Variants in CCDC7 observed in about 807,000 individuals in gnomAD.
CCDC7 encodes the protein coiled-coil domain containing 7.
Under a neutral mutation model 196.9 loss-of-function variants are expected in CCDC7, and 183 were observed. The observed-to-expected ratio is 0.93, with a 90% confidence interval of 0.82 to 1.05. The LOEUF (loss-of-function observed/expected upper bound fraction) is 1.05. Among genes scored for constraint, CCDC7 ranks in the 50% least tolerant of loss-of-function variants. The pLI is 0.00. For missense variants in CCDC7, 1,540 were observed against 1,482.2 expected, an observed-to-expected ratio of 1.04 and a Z score of -0.64; for synonymous variants, 525 against 484.6, an observed-to-expected ratio of 1.08 and a Z score of -1.10.
chr10:32,861,009 C>T (rs879354379), intron 41 of CCDC7, among the ~76,000 whole-genome samples: 1 of 151,170 alleles, frequency 6.6e-6, no homozygotes, highest in Non-Finnish European at 1.5e-5. Context: ...AGGTTCAATG[C>T]TGTCCCAATC....
intron 19 of CCDC7, 134 bp downstream of exon 20, chr10:32,634,498 G>A: frequency 3.0e-6 from 1 of 331,302 alleles, no homozygotes; most frequent in Non-Finnish European, 5.3e-6. Flanking sequence ...CCGGGTTGAA[G>A]CGATTCTCCT....
At chr10:32,836,686 G>A (rs1490988955) in intron 33 of CCDC7, among the ~76,000 whole-genome samples, 1 of 152,138 alleles carries the variant, frequency 6.6e-6, no homozygotes, top group African/African-American at 2.4e-5. Flanking sequence ...GTCTTCTTTT[G>A]AGAAGTGTCT....
intron 21 of CCDC7, among the ~76,000 whole-genome samples, chr10:32,684,488 C>T (rs2076240127): frequency 6.6e-6 from 1 of 152,170 alleles, no homozygotes; most frequent in African/African-American, 2.4e-5. Flanking sequence ...GGGAGCCTTC[C>T]CTGGCTCTGT....
chr10:32,845,703 A>G, intron 35 of CCDC7, 77 bp downstream of exon 36: 1 of 1,341,954 alleles, frequency 7.5e-7, no homozygotes, highest in East Asian at 2.3e-5. Flanking sequence ...TGGACATTTA[A>G]TGGCAATAGT....
chr10:32,792,358 T>C (rs79565735), intron 29 of CCDC7, among the ~76,000 whole-genome samples: 5,210 of 152,272 alleles, frequency 0.034, 103 homozygotes, highest in Non-Finnish European at 0.05. Flanking sequence ...AAAGTCAAAA[T>C]TGTCAGAAAT....
At chr10:32,818,002 G>A (rs950731709) in intron 31 of CCDC7, among the ~76,000 whole-genome samples, 2 of 152,156 alleles carry the variant, frequency 1.3e-5, no homozygotes, top group African/African-American at 4.8e-5. Flanking sequence ...AACCTTAAAT[G>A]TAAATAGGCT....
Position 32,752,289 on chromosome 10 carries a change from A to T in CCDC7, c.2905+22832A>T, listed in dbSNP as rs574187026. ...TAAATGCCTTCCTATGCACATTTAC[A>T]TGGGGGATGGATAACTTTATACACT... is the stretch of plus-strand genomic sequence containing the variant. On this transcript the variant is annotated intron_variant, in intron 28 of 41. Transcript: ENST00000639629. 4.6e-5 allele frequency among the ~76,000 whole-genome samples: 7 copies of T among 152,232 alleles called. No homozygotes were observed. The South Asian group carries it at 1.5e-3, about 32-fold the overall frequency.
intron 17 of CCDC7, among the ~76,000 whole-genome samples, 161 bp downstream of exon 18, chr10:32,583,468 A>C (rs1427212766): frequency 6.6e-6 from 1 of 152,142 alleles, no homozygotes; most frequent in Non-Finnish European, 1.5e-5. Context: ...TAGAATGCTG[A>C]AAGTAATATT....
intron 29 of CCDC7, among the ~76,000 whole-genome samples, chr10:32,782,025 A>C (rs1257337181): frequency 1.3e-5 from 2 of 152,250 alleles, no homozygotes; most frequent in Admixed American, 1.3e-4. Context: ...GTAGTGAGCT[A>C]TCTGAAAAGA....
At chr10:32,573,518 G>T (rs183306544) in intron 16 of CCDC7, among the ~76,000 whole-genome samples, 2 of 152,094 alleles carry the variant, frequency 1.3e-5, no homozygotes, top group East Asian at 3.9e-4. Flanking sequence ...TTAAAGAGGG[G>T]TTATGATAAT....
At chr10:32,559,657 C>CA (rs1487826180) in intron 13 of CCDC7, among the ~76,000 whole-genome samples, 2 of 152,098 alleles carry the variant, frequency 1.3e-5, no homozygotes, top group African/African-American at 4.8e-5. Context: ...ACATCCACAC[C>CA]AAAAACCCAT....
At chr10:32,826,779 T>A (rs2091186101) in intron 32 of CCDC7, among the ~76,000 whole-genome samples, 1 of 152,190 alleles carries the variant, frequency 6.6e-6, no homozygotes, top group African/African-American at 2.4e-5. Flanking sequence ...TTCTAGGACA[T>A]CCCTGAAACA....
intron 20 of CCDC7, among the ~76,000 whole-genome samples, chr10:32,657,735 G>A (rs1763791): frequency 0.34 from 52,184 of 152,110 alleles, 11,344 homozygotes; most frequent in Non-Finnish European, 0.49. Flanking sequence ...TTAGCTCCTC[G>A]TTACTTATGG....
intron 11 of CCDC7, among the ~76,000 whole-genome samples, chr10:32,530,666 T>G (rs1177529045): frequency 6.6e-6 from 1 of 152,206 alleles, no homozygotes; most frequent in Non-Finnish European, 1.5e-5. Context: ...GGGGGTTGAC[T>G]CTAGGTTTTT....
chr10:32,611,855 A>T (rs1251782452), intron 18 of CCDC7, among the ~76,000 whole-genome samples: 1 of 152,204 alleles, frequency 6.6e-6, no homozygotes, highest in Non-Finnish European at 1.5e-5. Flanking sequence ...AGGTAGCATG[A>T]TGCCTCTAGC....
chr10:32,662,483 A>T (rs1413977), intron 20 of CCDC7, among the ~76,000 whole-genome samples: 60,101 of 151,948 alleles, frequency 0.4, 12,122 homozygotes, highest in East Asian at 0.58. Flanking sequence ...GCTACAGGAG[A>T]CCTCACTATT....
downstream of CCDC7, among the ~76,000 whole-genome samples, chr10:32,882,135 A>G (rs779070862): frequency 5.3e-5 from 8 of 152,210 alleles, no homozygotes; most frequent in Non-Finnish European, 1.2e-4. Context: ...GACCATTGCA[A>G]TAGAAGAGGG....
chr10:32,816,403 T>C, intron 31 of CCDC7, among the ~76,000 whole-genome samples: 1 of 152,198 alleles, frequency 6.6e-6, no homozygotes, highest in South Asian at 2.1e-4. Context: ...AGACTCCACC[T>C]CTGGGGGCAG....
chr10:32,512,803 A>G (rs2046419811), intron 9 of CCDC7: 3 of 152,182 alleles, frequency 2.0e-5, no homozygotes, highest in Non-Finnish European at 4.4e-5. Flanking sequence ...GAGGTAACTA[A>G]GGGAAAGACA....
Sources: gnomAD v4.1 joint callset for allele counts (sites outside exome capture counted in the v4.1 genomes callset) on GRCh38, gnomAD v4.1.1 for gene constraint, MANE v1.5 for transcripts, NCBI Gene and HGNC (gene_info 2026-07-23, HGNC 2026-07-21) for gene names.